KLF12: variants seen among roughly 807,000 people sequenced by gnomAD.
KLF12 encodes the protein Krueppel-like factor 12.
A neutral mutation model predicts 37.8 loss-of-function variants in KLF12; 9 were observed. That is an observed-to-expected ratio of 0.24 (90% CI 0.14 to 0.42). KLF12 has a LOEUF of 0.42. KLF12 is among the 10% of genes least tolerant of loss of function. The pLI, the probability that KLF12 is intolerant of heterozygous loss-of-function variation, is 1.00. For synonymous variants in KLF12, 208 were observed against 202.1 expected, an observed-to-expected ratio of 1.03 and a Z score of -0.25; for missense variants, 411 against 516.0, an observed-to-expected ratio of 0.80 and a Z score of 1.97.
At chr13:74,233,732 G>A in the KLF12 span, among the ~76,000 whole-genome samples, 1 of 152,016 alleles carries the variant, frequency 6.6e-6, no homozygotes, top group Non-Finnish European at 1.5e-5. Flanking sequence ...TTATAATAAG[G>A]CAACTTGTCA....
chr13:73,971,370 A>C lies in KLF12; in HGVS notation c.33+23620T>G, dbSNP rs1891333288. Among the ~76,000 whole-genome samples the C allele has an allele frequency of 2.6e-5, 4 of 152,190 alleles. No homozygotes were observed. In the South Asian group the frequency reaches 8.3e-4, roughly 31 times the overall value. ...AAACCCCAGACAGAGCTCCTGACAT[A>C]CTGCCAGCCTCTAATGCAGGCACAG... is the stretch of plus-strand genomic sequence containing the variant. On this transcript the variant is annotated intron_variant, in intron 2 of 7. Transcript: ENST00000377669.
At chr13:74,115,693 A>T (rs905735748) in intron 1 of KLF12, among the ~76,000 whole-genome samples, 7 of 84,436 alleles carry the variant, frequency 8.3e-5, no homozygotes, top group South Asian at 5.7e-4. Flanking sequence ...CGACAGAGTA[A>T]AACTCTGACA....
intron 3 of KLF12, among the ~76,000 whole-genome samples, chr13:73,852,636 G>A (rs1362995456): frequency 6.6e-6 from 1 of 151,828 alleles, no homozygotes; most frequent in Admixed American, 6.6e-5. Context: ...AATTAGCCGG[G>A]CGTGGTGGCG....
chr13:74,132,960 TTC>T (rs1186391700), intron 1 of KLF12, among the ~76,000 whole-genome samples: 1 of 152,190 alleles, frequency 6.6e-6, no homozygotes, highest in African/African-American at 2.4e-5. Flanking sequence ...CAGAGTGAGC[TTC>T]TGAGGCAAGA....
intron 1 of KLF12, among the ~76,000 whole-genome samples, chr13:74,034,420 T>C (rs1486120397): frequency 1.3e-5 from 2 of 152,196 alleles, no homozygotes; most frequent in East Asian, 1.9e-4. Flanking sequence ...CCCATCTTTA[T>C]ATTGGGCAGC....
the KLF12 span, among the ~76,000 whole-genome samples, chr13:74,156,784 T>C: frequency 0.73 from 110,373 of 152,086 alleles, 41,594 homozygotes; most frequent in East Asian, 0.9. Context: ...TCCACCCATG[T>C]TGTTGCAAAT....
the KLF12 span, among the ~76,000 whole-genome samples, chr13:74,216,859 C>A: frequency 6.6e-6 from 1 of 152,120 alleles, no homozygotes; most frequent in Non-Finnish European, 1.5e-5. Flanking sequence ...CAATGAATTT[C>A]TTTTCAGCAC....
chr13:73,803,077 T>G (rs927222825), intron 5 of KLF12, among the ~76,000 whole-genome samples: 14 of 152,218 alleles, frequency 9.2e-5, no homozygotes, highest in African/African-American at 1.2e-4. Context: ...GGTTTTTTGT[T>G]TGTTTGTTTT....
At chr13:74,188,403 A>G in the KLF12 span, among the ~76,000 whole-genome samples, 2 of 152,208 alleles carry the variant, frequency 1.3e-5, no homozygotes, top group Admixed American at 6.5e-5. Flanking sequence ...TTCTGAAAAT[A>G]TGCAAATTCG....
the KLF12 span, among the ~76,000 whole-genome samples, chr13:74,187,709 A>G: frequency 6.6e-6 from 1 of 152,126 alleles, no homozygotes; most frequent in Non-Finnish European, 1.5e-5. Flanking sequence ...AGGTTGTATA[A>G]CATTTTCCTG....
Position 73,807,083 on chromosome 13 carries a change from G to A in KLF12, c.806+6069C>T, listed in dbSNP as rs546683592. ...AACGCTTTGGAAGGCCGAGGTGGGT[G>A]GATCACCTGAGGCCAGGAGTTCGAG... is the stretch of plus-strand genomic sequence containing the variant. On this transcript the variant is annotated intron_variant, in intron 5 of 7. Transcript: ENST00000377669. 2.1e-4 allele frequency among the ~76,000 whole-genome samples: 32 copies of A among 152,282 alleles called. No individual in the cohort carries two copies. In the South Asian group the frequency reaches 6.6e-3, roughly 32 times the overall value.
intron 1 of KLF12, among the ~76,000 whole-genome samples, chr13:74,056,575 T>TA (rs1318491667): frequency 1.3e-5 from 2 of 152,188 alleles, no homozygotes; most frequent in African/African-American, 4.8e-5. Context: ...AAGTAAAACT[T>TA]ATCTAAGTAT....
At chr13:74,105,541 G>A (rs1876605461) in intron 1 of KLF12, among the ~76,000 whole-genome samples, 1 of 152,020 alleles carries the variant, frequency 6.6e-6, no homozygotes, top group Admixed American at 6.6e-5. Flanking sequence ...ATCCTGAAAA[G>A]GTAAGCAAGG....
At chr13:73,806,968 C>A (rs1010825814) in intron 5 of KLF12, among the ~76,000 whole-genome samples, 2 of 151,828 alleles carry the variant, frequency 1.3e-5, no homozygotes, top group Admixed American at 1.3e-4. Flanking sequence ...CAAAAAAAAA[C>A]CCTTAGATTC....
chr13:74,128,429 G>T (rs147807318), intron 1 of KLF12, among the ~76,000 whole-genome samples: 5 of 152,222 alleles, frequency 3.3e-5, no homozygotes, highest in Non-Finnish European at 5.9e-5. Context: ...CAAGAACTTT[G>T]TAGTTTTACA....
At chr13:73,973,698 T>C (rs1172521400) in intron 2 of KLF12, among the ~76,000 whole-genome samples, 1 of 151,248 alleles carries the variant, frequency 6.6e-6, no homozygotes, top group Non-Finnish European at 1.5e-5. Flanking sequence ...GGAAAACAGG[T>C]AAACATAGCA....
chr13:73,698,183 A>G lies in KLF12; in HGVS notation c.1028-2512T>C, dbSNP rs1268279707. Among the ~76,000 whole-genome samples, 9 of 148,442 alleles carry G rather than the reference A, an allele frequency of 6.1e-5. No homozygotes were observed. In the East Asian group the frequency reaches 1.5e-3, roughly 24 times the overall value. On this transcript the variant is annotated intron_variant, in intron 7 of 7. Coordinates refer to ENST00000377669, the MANE Select transcript of KLF12 (RefSeq NM_007249.5). ...AAGAAAGAAAAGAGAGAAAAGAGAG[A>G]GGAAAGGGGGAGGGGAAAGGGAAGG...
intron 1 of KLF12, among the ~76,000 whole-genome samples, chr13:74,108,806 G>C (rs375561517): frequency 2.0e-5 from 3 of 152,158 alleles, no homozygotes; most frequent in South Asian, 2.1e-4. Context: ...CCTTCAAACT[G>C]AGTAGGCTAA....
At chr13:73,893,404 C>G (rs1887608797) in intron 3 of KLF12, among the ~76,000 whole-genome samples, 2 of 128,926 alleles carry the variant, frequency 1.6e-5, no homozygotes, top group Admixed American at 1.8e-4. Flanking sequence ...GAGACAGAGC[C>G]TCAGCCTCAC....
Sources: gnomAD v4.1 joint callset for allele counts (sites outside exome capture counted in the v4.1 genomes callset) on GRCh38, gnomAD v4.1.1 for gene constraint, MANE v1.5 for transcripts, NCBI Gene and HGNC (gene_info 2026-07-23, HGNC 2026-07-21) for gene names.